Variants in MS4A4A observed in about 807,000 individuals in gnomAD.
MS4A4A encodes the protein membrane-spanning 4-domains subfamily A member 4A.
In MS4A4A, 26 loss-of-function variants were observed where a neutral mutation model predicts 28.0. That is an observed-to-expected ratio of 0.93 (90% CI 0.68 to 1.29). The LOEUF (loss-of-function observed/expected upper bound fraction) is 1.29. Ranked by LOEUF, MS4A4A falls within the 50% of genes most tolerant of loss-of-function variation. The pLI is 0.00. For missense variants in MS4A4A, 290 were observed against 293.1 expected, an observed-to-expected ratio of 0.99 and a Z score of 0.08; for synonymous variants, 86 against 100.8, an observed-to-expected ratio of 0.85 and a Z score of 0.88.
intron 5 of MS4A4A, 39 bp downstream of exon 5, chr11:60,302,756 G>A (rs757438390): frequency 6.9e-6 from 11 of 1,586,682 alleles, no homozygotes; most frequent in African/African-American, 1.3e-5. Context: ...TATTATAGAA[G>A]CAAGTTTGGG....
chr11:60,296,976 A>G, intron 2 of MS4A4A: 1 of 515,394 alleles, frequency 1.9e-6, no homozygotes, highest in Non-Finnish European at 3.4e-6. Flanking sequence ...TACTCCTTTT[A>G]ACCTTGAAAT....
chr11:60,299,448 C>CTTTTTTTTTTTTTTTTTTTTTTTT (rs5792179), intron 3 of MS4A4A, among the ~76,000 whole-genome samples: 1 of 113,234 alleles, frequency 8.8e-6, no homozygotes, highest in Non-Finnish European at 1.7e-5. Context: ...AATTACAATT[C>CTTTTTTTTTTTTTTTTTTTTTTTT]TTTTTTTTTT....
intron 3 of MS4A4A, 54 bp downstream of exon 3, chr11:60,297,379 A>T (rs1590757687): frequency 6.3e-7 from 1 of 1,586,136 alleles, no homozygotes; most frequent in South Asian, 1.1e-5. Context: ...AGTTGTCAAT[A>T]CCCTGATCTT....
At chr11:60,304,520 G>C (rs1399656849) in intron 5 of MS4A4A, among the ~76,000 whole-genome samples, 1 of 152,178 alleles carries the variant, frequency 6.6e-6, no homozygotes, top group Non-Finnish European at 1.5e-5. Context: ...ACCTCCATAA[G>C]GGCTTCCTGG....
chr11:60,282,539 T>C, intron 1 of MS4A4A: 1 of 1,255,568 alleles, frequency 8.0e-7, no homozygotes, highest in Non-Finnish European at 1.0e-6. Context: ...TATAAAATGC[T>C]GTTCATGTGT....
At chr11:60,301,103 A>G (rs778106015) in intron 4 of MS4A4A, 46 bp downstream of exon 4, 4 of 1,420,102 alleles carry the variant, frequency 2.8e-6, no homozygotes, top group Middle Eastern at 1.9e-4. Flanking sequence ...GGAAGGATTA[A>G]TAAAAAATGT....
At chr11:60,287,181 T>A (rs978023142) in intron 1 of MS4A4A, among the ~76,000 whole-genome samples, 1 of 152,206 alleles carries the variant, frequency 6.6e-6, no homozygotes, top group South Asian at 2.1e-4. Flanking sequence ...ATTTTTGATA[T>A]CTTTGTTTTC....
chr11:60,294,892 A>ACTACTTCTT lies in MS4A4A; in HGVS notation c.202-2303_202-2302insACTTCTTCT, dbSNP rs60374079. ...GGGTAGTGTTAGTCCTACAACTACT[A>ACTACTTCTT]CTTCTTCTTCTTCTTCTTCTTCTTC... On this transcript the variant is annotated intron_variant, in intron 2 of 6. Transcript: ENST00000337908. Among the ~76,000 whole-genome samples, 544 of 130,924 alleles carry ACTACTTCTT rather than the reference A, an allele frequency of 4.2e-3. 3 individuals carry two copies. Among genetic ancestry groups the ACTACTTCTT allele is most frequent in the African/African-American group, 0.01 (360 of 34,776 alleles). 85.9% of individuals were successfully genotyped at this position (130,924 alleles called of 152,430 possible).
chr11:60,304,762 G>A lies in MS4A4A; in HGVS notation c.547-1338G>A, dbSNP rs138199453. On this transcript the variant is annotated intron_variant, in intron 5 of 6. Coordinates refer to ENST00000337908, the MANE Select transcript of MS4A4A (RefSeq NM_148975.3). ...TATGTGTGACAGAGACCTTATGGTC[G>A]GCAAAATCTAAAATGTACATTATCT... Among the ~76,000 whole-genome samples, 357 of 152,258 alleles carry A rather than the reference G, an allele frequency of 2.3e-3. 1 individual carries two copies. The highest frequency in any genetic ancestry group is 8.0e-3 in the African/African-American group (332 of 41,546).
Position 60,308,205 on chromosome 11 carries a change from G to A in MS4A4A, c.*27G>A. 6.2e-7 allele frequency: 1 copy of A among 1,604,794 alleles called. No homozygotes were observed. Among genetic ancestry groups the A allele is most frequent in the Non-Finnish European group, 8.5e-7 (1 of 1,171,652 alleles). ...GCCACCAAAAGATCAACAGACAAAT[G>A]CTCCAGAAATCTATGCTGACTGTGA... On this transcript the variant is annotated 3_prime_UTR_variant, in exon 7 of 7. Transcript: ENST00000337908.
At chr11:60,285,916 C>T (rs2084799577) in intron 1 of MS4A4A, among the ~76,000 whole-genome samples, 1 of 152,166 alleles carries the variant, frequency 6.6e-6, no homozygotes, top group Non-Finnish European at 1.5e-5. Flanking sequence ...CTACAATTCA[C>T]CAGGCTGGAA....
At chr11:60,287,373 T>C (rs1590751083) in intron 1 of MS4A4A, among the ~76,000 whole-genome samples, 3 of 152,194 alleles carry the variant, frequency 2.0e-5, no homozygotes, top group Admixed American at 6.5e-5. Context: ...AAATTTATTC[T>C]TTTTTCAGGA....
intron 2 of MS4A4A, among the ~76,000 whole-genome samples, chr11:60,292,624 A>G (rs2084867680): frequency 6.6e-6 from 1 of 152,216 alleles, no homozygotes; most frequent in Non-Finnish European, 1.5e-5. Context: ...TGGGTCATCC[A>G]TGATAATTGT....
rs951385981 is a variant in MS4A4A at position 60,297,141 on chromosome 11, C to T, written c.202-56C>T. On this transcript the variant is annotated intron_variant, in intron 2 of 6. Transcript: ENST00000337908. ...AGCTTAGTGATTGGAAAGGGGGTGG[C>T]GGAAGCACCATTTTTGTGGTGGACA... 8.5e-5 allele frequency: 136 copies of T among 1,603,534 alleles called. 2 individuals are homozygous for T. In the South Asian group the frequency reaches 1.1e-3, roughly 13 times the overall value.
chr11:60,290,286 T>C (rs2084843742), intron 1 of MS4A4A: 1 of 183,630 alleles, frequency 5.4e-6, no homozygotes, highest in African/African-American at 2.3e-5. Context: ...TCATCCTTGA[T>C]AAGTATACTC....
In MS4A4A at chr11:60,294,089, T is replaced by C. The variant is rs1055050018; in HGVS notation, c.201+1705T>C. ...AAGATTTCAATCAACAGTCAATGAG[T>C]TCCTGCTGTTCTGCAAAATCTCCAG... is the stretch of plus-strand genomic sequence containing the variant. On this transcript the variant is annotated intron_variant, in intron 2 of 6. Transcript: ENST00000337908. Among the ~76,000 whole-genome samples the C allele has an allele frequency of 4.6e-5, 7 of 152,212 alleles. No individual in the cohort carries two copies. In the South Asian group the frequency reaches 1.2e-3, roughly 27 times the overall value.
rs76973820 is a variant in MS4A4A at position 60,307,330 on chromosome 11, T to C, written c.649-777T>C. The stretch of plus-strand genomic sequence containing the variant: ...CCTTCCTCACAGAAGAGAGATTGAC[T>C]ATAGCACATTAACTCTAATAGTGGG... On this transcript the variant is annotated intron_variant, in intron 6 of 6. Transcript: ENST00000337908. Among the ~76,000 whole-genome samples, 15 of 152,298 alleles carry C rather than the reference T, an allele frequency of 9.8e-5. No homozygotes were observed. The East Asian group carries it at 2.9e-3, about 29-fold the overall frequency.
chr11:60,301,592 A>T (rs1182161566), intron 4 of MS4A4A, among the ~76,000 whole-genome samples: 1 of 152,206 alleles, frequency 6.6e-6, no homozygotes, highest in African/African-American at 2.4e-5. Flanking sequence ...TTTCTAGTTA[A>T]AGTCCATATT....
chr11:60,296,587 C>T (rs1377260381), intron 2 of MS4A4A, among the ~76,000 whole-genome samples: 2 of 151,980 alleles, frequency 1.3e-5, no homozygotes, highest in Non-Finnish European at 2.9e-5. Context: ...TCATGATTTT[C>T]TAATATATTC....
Sources: allele counts gnomAD v4.1 joint callset (sites outside exome capture counted in the v4.1 genomes callset), GRCh38; gene constraint gnomAD v4.1.1; transcripts MANE v1.5; gene names NCBI Gene and HGNC (gene_info 2026-07-23, HGNC 2026-07-21).